Variants in KCNC2 observed in about 807,000 individuals in gnomAD.
KCNC2 encodes the protein potassium voltage-gated channel subfamily C member 2, also known as voltage-gated potassium channel KCNC2.
A neutral mutation model predicts 44.5 loss-of-function variants in KCNC2; 21 were observed. The ratio of observed to expected loss-of-function variants is 0.47; its 90% CI spans 0.33 to 0.68. The LOEUF is 0.68. Among genes scored for constraint, KCNC2 ranks in the 30% least tolerant of loss-of-function variants. The pLI, the probability that KCNC2 is intolerant of heterozygous loss-of-function variation, is 0.01. For synonymous variants in KCNC2, 391 were observed against 339.1 expected (o/e 1.15, Z -1.68); for missense variants, 589 against 826.2 (o/e 0.71, Z 3.52).
intron 2 of KCNC2, among the ~76,000 whole-genome samples, chr12:75,152,397 G>A (rs1234748263): frequency 4.0e-5 from 6 of 151,698 alleles, no homozygotes; most frequent in Admixed American, 3.3e-4. Flanking sequence ...AAAAAAGAAT[G>A]GTTCCCTTGG....
In KCNC2 at chr12:75,042,333, C is replaced by T. The variant is rs1349683873; in HGVS notation, c.*772G>A. The T allele has an allele frequency of 4.3e-6, 7 of 1,611,920 alleles. No homozygotes were observed. The highest frequency in any genetic ancestry group is 2.7e-5 in the African/African-American group (2 of 74,704). On this transcript the variant is annotated 3_prime_UTR_variant, in exon 5 of 5. Transcript: ENST00000549446. ...AGTCATTAAGTAAGAGATCTGGCCTCGGCTTGCGTGTAACCAGTAATGACA... is the reference window on the plus strand; with the variant it reads ...AGTCATTAAGTAAGAGATCTGGCCTTGGCTTGCGTGTAACCAGTAATGACA...
At chr12:75,149,907 T>G (rs946600737) in intron 2 of KCNC2, among the ~76,000 whole-genome samples, 1 of 151,888 alleles carries the variant, frequency 6.6e-6, no homozygotes, top group African/African-American at 2.4e-5. Flanking sequence ...AATTTCCATT[T>G]CATTCAACCA....
rs5799207 is a variant in KCNC2, at chr12:75,084,254, T to TAGATAGATTA, written c.688-32938_688-32937insTAATCTATCT. Among the ~76,000 whole-genome samples, 123 of 138,452 alleles carry TAGATAGATTA rather than the reference T, an allele frequency of 8.9e-4. 1 individual carries two copies. Among genetic ancestry groups the TAGATAGATTA allele is most frequent in the African/African-American group, 3.3e-3 (119 of 36,488 alleles). 90.8% of individuals were successfully genotyped at this position (138,452 alleles called of 152,430 possible). ...ATATAGATAGATAGATAGATGATGA[T>TAGATAGATTA]GATAGATAGATAGATTAGATAGATA... On this transcript the variant is annotated intron_variant, in intron 2 of 4. Coordinates refer to ENST00000549446, the MANE Select transcript of KCNC2 (RefSeq NM_139137.4).
At chr12:75,187,612 T>C (rs922071913) in intron 2 of KCNC2, among the ~76,000 whole-genome samples, 8 of 152,198 alleles carry the variant, frequency 5.3e-5, no homozygotes, top group African/African-American at 1.9e-4. Flanking sequence ...AGAGTGATTG[T>C]AGGACCCAGT....
At chr12:75,104,505 C>T (rs904767470) in intron 2 of KCNC2, among the ~76,000 whole-genome samples, 31 of 151,960 alleles carry the variant, frequency 2.0e-4, no homozygotes, top group Non-Finnish European at 4.4e-5. Context: ...CACATTTCCT[C>T]CCAAAACAGT....
rs760456909 is a variant in KCNC2 at position 75,207,364 on chromosome 12, C to T, written c.620G>A (p.Arg207His). The change falls in exon 2 of 5, where the codon CGC (arginine) becomes CAC (histidine). Residue 207 changes from arginine (R) to histidine (H), a missense_variant. Physicochemically the swap from Arg to His is conservative, Grantham distance 29. Transcript: ENST00000549446. This position sits in a 1 kb window ranked among gnomAD's most constrained non-coding sequence, Gnocchi z 4.1. The part of the protein sequence containing the change: ...GLGGPDGKSG[R>H]WRRLQPRMWA... ...CATGCGGGGCTGCAGCCTCCTCCAGCGGCCAGATTTGCCGTCGGGGCCCCC... is the reference window on the plus strand; with the variant it reads ...CATGCGGGGCTGCAGCCTCCTCCAGTGGCCAGATTTGCCGTCGGGGCCCCC... 1.9e-6 allele frequency: 3 copies of T among 1,577,878 alleles called. No individual in the cohort carries two copies. The highest frequency in any genetic ancestry group is 2.3e-5 in the East Asian group (1 of 42,844).
chr12:75,154,426 A>G (rs1396107905), intron 2 of KCNC2, among the ~76,000 whole-genome samples: 3 of 152,004 alleles, frequency 2.0e-5, no homozygotes, highest in Non-Finnish European at 4.4e-5. Flanking sequence ...CTGTCCTCGA[A>G]GTTGTCTATT....
At chr12:75,053,681 A>G (rs1881429459) in intron 2 of KCNC2, among the ~76,000 whole-genome samples, 1 of 150,304 alleles carries the variant, frequency 6.7e-6, no homozygotes, top group South Asian at 2.1e-4. Context: ...CCAGTTTAAT[A>G]CCAAAGTTGA....
intron 2 of KCNC2, among the ~76,000 whole-genome samples, chr12:75,127,730 T>C (rs1276784303): frequency 6.6e-6 from 1 of 152,172 alleles, no homozygotes; most frequent in Non-Finnish European, 1.5e-5. Context: ...TAAAAATACA[T>C]AGTGGAGACT....
intron 2 of KCNC2, among the ~76,000 whole-genome samples, chr12:75,072,819 G>T (rs1368614384): frequency 6.6e-6 from 1 of 152,080 alleles, no homozygotes; most frequent in African/African-American, 2.4e-5. Context: ...GATCTTAAAA[G>T]GCCTTCGATC....
intron 2 of KCNC2, among the ~76,000 whole-genome samples, chr12:75,106,227 A>G (rs980014424): frequency 2.0e-5 from 3 of 152,184 alleles, no homozygotes; most frequent in Non-Finnish European, 2.9e-5. Flanking sequence ...ACTTGAAAAG[A>G]GCAGTCTCAG....
chr12:75,197,824 C>T (rs143067908), intron 2 of KCNC2, among the ~76,000 whole-genome samples: 143 of 151,826 alleles, frequency 9.4e-4, no homozygotes, highest in Admixed American at 2.0e-3. Context: ...AGAAACCCAG[C>T]GTTGAAGTAC....
chr12:75,168,547 G>C lies in KCNC2; in HGVS notation c.687+38750C>G, dbSNP rs185944611. Among the ~76,000 whole-genome samples the C allele has an allele frequency of 1.1e-3, 163 of 151,518 alleles. 2 individuals carry two copies. The highest frequency in any genetic ancestry group is 3.7e-4 in the Non-Finnish European group (25 of 67,592). ...ATAAATTTCACATAAATTTACCAGG[G>C]AAAATATAATTAAGTAAGAATTAAA... On this transcript the variant is annotated intron_variant, in intron 2 of 4. Transcript: ENST00000549446.
chr12:75,122,364 A>T (rs1280638001), intron 2 of KCNC2, among the ~76,000 whole-genome samples: 13 of 152,218 alleles, frequency 8.5e-5, no homozygotes, highest in Non-Finnish European at 1.8e-4. Context: ...ATAAGGTAGA[A>T]AGAGAAGAGC....
intron 2 of KCNC2, among the ~76,000 whole-genome samples, chr12:75,123,039 T>C (rs1235613763): frequency 6.6e-6 from 1 of 152,064 alleles, no homozygotes; most frequent in Non-Finnish European, 1.5e-5. Context: ...TTAAATATAT[T>C]CCTTTAAAAA....
At chr12:75,080,576 A>C (rs557988599) in intron 2 of KCNC2, among the ~76,000 whole-genome samples, 8 of 152,252 alleles carry the variant, frequency 5.3e-5, no homozygotes, top group African/African-American at 1.9e-4. Context: ...TCTGTAGCGA[A>C]AAGGCTGAAG....
chr12:75,114,496 TA>T (rs900602758), intron 2 of KCNC2, among the ~76,000 whole-genome samples: 159 of 152,316 alleles, frequency 1.0e-3, no homozygotes, highest in African/African-American at 3.7e-3. Flanking sequence ...TGGCCTCCTT[TA>T]AGTCTTGGCC....
In KCNC2 at chr12:75,209,193, C is replaced by T. The variant is rs2031952341; in HGVS notation, c.-20+14G>A. 2 of 152,756 alleles carry T rather than the reference C, an allele frequency of 1.3e-5. No homozygotes were observed. Among genetic ancestry groups the T allele is most frequent in the African/African-American group, 2.4e-5 (1 of 41,470 alleles). The allele number at this position is 152,756 out of a possible 1,614,324, so 9.5% of individuals were successfully genotyped here. A position where few individuals can be genotyped will look rare whatever the true frequency, so the allele number is the denominator to read the frequency against. ...ATCGCCCCTTTCACCACCCCCGCCC[C>T]CATTTCCAGATACCTTAACGAGACC... is the stretch of plus-strand genomic sequence containing the variant. On this transcript the variant is annotated intron_variant, in intron 1 of 4. Transcript: ENST00000549446.
chr12:75,097,742 T>C (rs1315972993), intron 2 of KCNC2, among the ~76,000 whole-genome samples: 1 of 152,126 alleles, frequency 6.6e-6, no homozygotes, highest in Admixed American at 6.6e-5. Flanking sequence ...ACAGATAGAC[T>C]AGCATTTTAA....
Sources: gnomAD v4.1 joint callset for allele counts (sites outside exome capture counted in the v4.1 genomes callset) on GRCh38, gnomAD v4.1.1 for gene constraint, Gnocchi (gnomAD v3.1) non-coding constraint, MANE v1.5 for transcripts, NCBI Gene and HGNC (gene_info 2026-07-23, HGNC 2026-07-21) for gene names.